The following CLCA1 variants were observed in gnomAD, a reference collection of about 807,000 sequenced individuals.
CLCA1 encodes calcium-activated chloride channel regulator 1.
Under a neutral mutation model 85.6 loss-of-function variants are expected in CLCA1, and 59 were observed. That is an observed-to-expected ratio of 0.69 (90% CI 0.56 to 0.86). The LOEUF is 0.86. Ranked by LOEUF, CLCA1 falls within the 40% of genes least tolerant of loss-of-function variation. The pLI, the probability that CLCA1 is intolerant of heterozygous loss-of-function variation, is 0.00. For synonymous variants in CLCA1, 396 were observed against 398.3 expected (o/e 0.99, Z 0.07); for missense variants, 1,022 against 1,101.4 (o/e 0.93, Z 1.02).
Position 86,486,553 on chromosome 1 carries a change from C to G in CLCA1, c.982C>G (p.Gln328Glu), listed in dbSNP as rs1221349147. 6.2e-7 allele frequency: 1 copy of G among 1,614,106 alleles called. No individual in the cohort carries two copies. Among genetic ancestry groups the G allele is most frequent in the Non-Finnish European group, 8.5e-7 (1 of 1,180,004 alleles). ...TGGTAACCGCCTCAATCGACTGAAT[C>G]AAGCAGGCCAGCTTTTCCTGCTGCA... ...ATGNRLNRLN[Q>E]AGQLFLLQTV... The change falls in exon 7 of 14, where the codon CAA becomes GAA. Residue 328 changes from glutamine to glutamate, a missense_variant. By Grantham distance (29) the Gln-to-Glu change is conservative (BLOSUM62 2). Transcript: ENST00000394711.
At chr1:86,493,839 T>C (rs1648203232) in intron 10 of CLCA1, among the ~76,000 whole-genome samples, 1 of 152,104 alleles carries the variant, frequency 6.6e-6, no homozygotes, top group East Asian at 1.9e-4. Flanking sequence ...TTAAATTACA[T>C]AGTAATCAAG....
intron 3 of CLCA1, among the ~76,000 whole-genome samples, chr1:86,475,068 A>G (rs546021653): frequency 6.6e-4 from 101 of 152,308 alleles, no homozygotes; most frequent in Non-Finnish European, 1.3e-3. Context: ...TTTCACCTCC[A>G]TAACAGGAAC....
intron 10 of CLCA1, 69 bp downstream of exon 10, chr1:86,493,668 T>A: frequency 1.6e-6 from 2 of 1,240,928 alleles, no homozygotes; most frequent in Non-Finnish European, 2.3e-6. Flanking sequence ...AGAATAATTG[T>A]AGCATTTTAA....
chr1:86,485,504 G>T lies in CLCA1; in HGVS notation c.897G>T (p.Leu299Phe). 1 of 1,614,142 alleles carries T rather than the reference G, an allele frequency of 6.2e-7. No homozygotes were observed. Among genetic ancestry groups the T allele is most frequent in the South Asian group, 1.1e-5 (1 of 91,074 alleles). The change falls in exon 6 of 14, where the codon TTG becomes TTT. Residue 299 changes from leucine (L) to phenylalanine (F), a missense_variant. Transcript: ENST00000394711. Reference sequence around the variant, plus strand: ...AGCCACCAAATCCCACCTTCTCATTGCTGCAGATTGGACAAAGAATTGTGT... The same window carrying T: ...AGCCACCAAATCCCACCTTCTCATTTCTGCAGATTGGACAAAGAATTGTGT... ...TTQPPNPTFS[L>F]LQIGQRIVCL...
At chr1:86,492,740 T>G (rs1258531435) in intron 9 of CLCA1, among the ~76,000 whole-genome samples, 1 of 152,234 alleles carries the variant, frequency 6.6e-6, no homozygotes, top group Non-Finnish European at 1.5e-5. Flanking sequence ...TTATGTCATT[T>G]ATCTCCACAG....
rs1438951347 is a variant in CLCA1 at position 86,486,851 on chromosome 1, C to T, written c.1182+98C>T. 5 of 1,023,454 alleles carry T rather than the reference C, an allele frequency of 4.9e-6. No homozygotes were observed. The Admixed American group carries it at 7.4e-5, about 15-fold the overall frequency. The allele number at this position is 1,023,454 out of a possible 1,614,324, so 63.4% of individuals were successfully genotyped here. On this transcript the variant is annotated intron_variant, in intron 7 of 13. Transcript: ENST00000394711. ...GTTTCCATACATGCCTAGGGTCCAACTGGATGAGATAACCAAGGAGCAATA... is the reference window on the plus strand; with the variant it reads ...GTTTCCATACATGCCTAGGGTCCAATTGGATGAGATAACCAAGGAGCAATA...
At chr1:86,469,460 T>A (rs1251820799) in intron 1 of CLCA1, among the ~76,000 whole-genome samples, 1 of 152,208 alleles carries the variant, frequency 6.6e-6, no homozygotes, top group East Asian at 1.9e-4. Flanking sequence ...TGACAGATAT[T>A]GTGAGATGCA....
At position 86,491,905 on chromosome 1, in the gene CLCA1, C is replaced by T. The variant is rs577118018; in HGVS notation, c.1464+534C>T. ...TTAACTATGTGACCTAGGCAAAGAA[C>T]TTCACCTCTGTGGACCTTCATTTCT... is the stretch of plus-strand genomic sequence containing the variant. On this transcript the variant is annotated intron_variant, in intron 9 of 13. Transcript: ENST00000394711. Among the ~76,000 whole-genome samples, 8 of 152,306 alleles carry T rather than the reference C, an allele frequency of 5.3e-5. No homozygotes were observed. In the South Asian group the frequency reaches 1.7e-3, roughly 32 times the overall value.
chr1:86,481,145 CT>C (rs1252367519), intron 4 of CLCA1, among the ~76,000 whole-genome samples: 2 of 149,972 alleles, frequency 1.3e-5, no homozygotes, highest in African/African-American at 2.5e-5. Flanking sequence ...ATTTTTTTTT[CT>C]TTTTTTTTGG....
At chr1:86,482,180 A>G (rs2101735342) in intron 4 of CLCA1, 25 bp from the exon 5 acceptor site, 1 of 1,588,352 alleles carries the variant, frequency 6.3e-7, no homozygotes, top group East Asian at 2.2e-5. Context: ...CATCACCTAA[A>G]CATCTAACCT....
In CLCA1 at chr1:86,489,011, T is replaced by A. The variant is rs1178108021; in HGVS notation, c.1198T>A (p.Tyr400Asn). ...RSAFTVIRKKYPTDGSEIVLL... is the reference protein window; with the variant it reads ...RSAFTVIRKKNPTDGSEIVLL... Reference sequence around the variant, plus strand: ...CTGTCCTTAGGTGATTAGGAAGAAATATCCAACTGATGGATCTGAAATTGT... The same window carrying A: ...CTGTCCTTAGGTGATTAGGAAGAAAAATCCAACTGATGGATCTGAAATTGT... Residue 400 changes from tyrosine to asparagine, a missense_variant, in exon 8 of 14, where the codon TAT becomes AAT. By Grantham distance (143) the Tyr-to-Asn change is moderately radical. Coordinates refer to ENST00000394711, the MANE Select transcript of CLCA1 (RefSeq NM_001285.4). 2 of 1,613,956 alleles carry A rather than the reference T, an allele frequency of 1.2e-6. No individual in the cohort carries two copies. Among genetic ancestry groups the A allele is most frequent in the African/African-American group, 2.7e-5 (2 of 75,030 alleles).
At position 86,482,224 on chromosome 1, in the gene CLCA1, G is replaced by T. The variant is rs1324925673; in HGVS notation, c.577G>T (p.Gly193Cys). The T allele has an allele frequency of 6.2e-7, 1 of 1,613,400 alleles. No homozygotes were observed. The highest frequency in any genetic ancestry group is 8.5e-7 in the Non-Finnish European group (1 of 1,179,608). Residue 193 changes from glycine to cysteine, a missense_variant, in exon 5 of 14, where the codon GGT becomes TGT. By Grantham distance (159) the Gly-to-Cys change is radical. Transcript: ENST00000394711. Reference protein sequence around the residue: ...QAVRCSAGITGTNVVKKCQGG... With the variant: ...QAVRCSAGITCTNVVKKCQGG... ...TTTCAGATGTTCAGCAGGTATTACT[G>T]GTACAAATGTAGTAAAGAAGTGTCA... is the stretch of plus-strand genomic sequence containing the variant.
rs1320340897 is a variant in CLCA1 at position 86,499,771 on chromosome 1, T to A, written c.2471T>A (p.Val824Asp). 6.2e-7 allele frequency: 1 copy of A among 1,613,842 alleles called. No homozygotes were observed. Among genetic ancestry groups the A allele is most frequent in the Non-Finnish European group, 8.5e-7 (1 of 1,179,826 alleles). ...CCAAAGGAAGCCAACTCTGAGGAAG[T>A]CTTTTTGTTTAAACCAGAAAACATT... Reference protein sequence around the residue: ...LIPKEANSEEVFLFKPENITF... With the variant: ...LIPKEANSEEDFLFKPENITF... The change falls in exon 14 of 14, where the codon GTC (valine) becomes GAC (aspartate). Residue 824 changes from valine to aspartate, a missense_variant. By Grantham distance (152) the Val-to-Asp change is radical. Coordinates refer to ENST00000394711, the MANE Select transcript of CLCA1 (RefSeq NM_001285.4).
At chr1:86,489,290 C>T in intron 8 of CLCA1, 120 bp downstream of exon 8, 3 of 874,240 alleles carry the variant, frequency 3.4e-6, no homozygotes, top group Non-Finnish European at 5.2e-6. Context: ...AATTGGCTAA[C>T]TAGCCACCCT....
chr1:86,485,711 T>C, intron 6 of CLCA1, 150 bp downstream of exon 6: 1 of 692,726 alleles, frequency 1.4e-6, no homozygotes, highest in Non-Finnish European at 2.4e-6. Flanking sequence ...ACTTCAACTT[T>C]GTTCAACAAA....
chr1:86,493,519 C>T lies in CLCA1; in HGVS notation c.1600C>T (p.Pro534Ser), dbSNP rs746591052. The T allele has an allele frequency of 6.2e-6, 10 of 1,614,036 alleles. No individual in the cohort carries two copies. In the Admixed American group the frequency reaches 1.0e-4, roughly 16 times the overall value. The change falls in exon 10 of 14, where the codon CCC becomes TCC. Residue 534 changes from proline to serine, a missense_variant. Pro to Ser is a moderately conservative substitution (Grantham distance 74). Transcript: ENST00000394711. The part of the protein sequence containing the change: ...MQPPQILLWD[P>S]SGQKQGGFVV... ...GCCTCCCCAAATCCTTCTCTGGGAT[C>T]CCAGTGGACAGAAGCAAGGTGGCTT... is the stretch of plus-strand genomic sequence containing the variant.
rs1208720644 is a variant in CLCA1 at position 86,494,448 on chromosome 1, G to A, written c.1942G>A (p.Gly648Ser). Residue 648 changes from glycine (G) to serine (S), a missense_variant and splice_region_variant, in exon 11 of 14, where the codon GGT becomes AGT. Physicochemically the swap from Gly to Ser is moderately conservative, Grantham distance 56 (BLOSUM62 0). Coordinates refer to ENST00000394711, the MANE Select transcript of CLCA1 (RefSeq NM_001285.4). The stretch of plus-strand genomic sequence containing the variant: ...CTTGGAACTACTGGATAATGGAGCA[G>A]GTAATCACCCAAGAAATTGGAAGAT... ...VTLELLDNGAGADATKDDGVY... is the reference protein window; with the variant it reads ...VTLELLDNGASADATKDDGVY... The A allele has an allele frequency of 6.2e-7, 1 of 1,612,898 alleles. No homozygotes were observed. Among genetic ancestry groups the A allele is most frequent in the Admixed American group, 1.7e-5 (1 of 59,930 alleles).
At chr1:86,493,346 T>C (rs762379565) in intron 9 of CLCA1, 38 bp from the exon 10 acceptor site, 7 of 1,505,218 alleles carry the variant, frequency 4.7e-6, no homozygotes, top group East Asian at 2.3e-5. Flanking sequence ...TGATGGGAGC[T>C]GTATTCTCCA....
intron 3 of CLCA1, among the ~76,000 whole-genome samples, chr1:86,474,100 T>C (rs1458511922): frequency 6.6e-6 from 1 of 152,234 alleles, no homozygotes; most frequent in African/African-American, 2.4e-5. Context: ...AAATACGGTA[T>C]TTTGAATTCT....
Sources: allele counts gnomAD v4.1 joint callset (sites outside exome capture counted in the v4.1 genomes callset), GRCh38; gene constraint gnomAD v4.1.1; transcripts MANE v1.5; gene names NCBI Gene and HGNC (gene_info 2026-07-23, HGNC 2026-07-21).